SLC66A2: variants seen among roughly 807,000 people sequenced by gnomAD.
SLC66A2 encodes solute carrier family 66 member 2, also known as PQ loop repeat containing 1.
A neutral mutation model predicts 25.5 loss-of-function variants in SLC66A2; 23 were observed. The ratio of observed to expected loss-of-function variants is 0.90; its 90% confidence interval spans 0.65 to 1.28. SLC66A2 has a LOEUF of 1.28. Among genes scored for constraint, SLC66A2 ranks in the 50% most tolerant of loss-of-function variants. The pLI, the probability that SLC66A2 is intolerant of heterozygous loss-of-function variation, is 0.00. For synonymous variants in SLC66A2, 193 were observed against 166.5 expected (o/e 1.16, Z -1.23); for missense variants, 396 against 373.1 (o/e 1.06, Z -0.51).
At position 79,951,593 on chromosome 18, in the gene SLC66A2, C is replaced by G. The variant is rs1468703844; in HGVS notation, c.-112G>C. On this transcript the variant is annotated 5_prime_UTR_variant, in exon 1 of 6. Coordinates refer to ENST00000397778, the MANE Select transcript of SLC66A2 (RefSeq NM_025078.5). ...CCGCGCTCCTTACCTGCGCCCCCAG[C>G]CCCGCGCCCAGCGCCCCGCGTCCCC... The G allele has an allele frequency of 1.3e-5, 2 of 151,760 alleles. No homozygotes were observed. Among genetic ancestry groups the G allele is most frequent in the Admixed American group, 6.6e-5 (1 of 15,178 alleles). 9.4% of individuals were successfully genotyped at this position (151,760 alleles called of 1,614,324 possible). A position where few individuals can be genotyped will look rare whatever the true frequency, so the allele number is the denominator to read the frequency against.
intron 5 of SLC66A2, among the ~76,000 whole-genome samples, chr18:79,906,091 G>A (rs531291911): frequency 1.0e-3 from 154 of 152,300 alleles, no homozygotes; most frequent in African/African-American, 3.4e-3. Context: ...TGATGCCTGT[G>A]GGGTCTACAG....
At chr18:79,916,125 A>G (rs1206847350) in intron 5 of SLC66A2, among the ~76,000 whole-genome samples, 8 of 95,816 alleles carry the variant, frequency 8.3e-5, no homozygotes, top group Non-Finnish European at 1.7e-4. Context: ...GTACCCTCCC[A>G]TACCCACGGT....
chr18:79,916,642 G>A (rs892512424), intron 5 of SLC66A2, among the ~76,000 whole-genome samples: 9 of 152,234 alleles, frequency 5.9e-5, no homozygotes, highest in South Asian at 2.1e-4. Flanking sequence ...TGCGGGAGCC[G>A]GCAGGAGAGT....
rs1981336694 is a variant in SLC66A2 at position 79,902,442 on chromosome 18, T to G, written c.*1534A>C. The G allele has an allele frequency of 6.6e-6, 1 of 152,302 alleles. No homozygotes were observed. Among genetic ancestry groups the G allele is most frequent in the African/African-American group, 2.4e-5 (1 of 41,470 alleles). The allele number at this position is 152,302 out of a possible 1,614,324, so 9.4% of individuals were successfully genotyped here. ...AACTCAGGATCCACAAATGGTTTAT[T>G]GATTCCAAGTCGCCACACAGGGTAC... is the stretch of plus-strand genomic sequence containing the variant. On this transcript the variant is annotated 3_prime_UTR_variant, in exon 6 of 6. Coordinates refer to ENST00000397778, the MANE Select transcript of SLC66A2 (RefSeq NM_025078.5).
intron 4 of SLC66A2, among the ~76,000 whole-genome samples, chr18:79,929,256 C>A (rs991096731): frequency 6.6e-5 from 10 of 152,260 alleles, no homozygotes; most frequent in African/African-American, 2.2e-4. Context: ...GGAATACATC[C>A]CCCAGGGCAT....
In SLC66A2 at chr18:79,937,298, C is replaced by G. The variant is rs960819884; in HGVS notation, c.338-3276G>C. On this transcript the variant is annotated intron_variant, in intron 3 of 5. Coordinates refer to ENST00000397778, the MANE Select transcript of SLC66A2 (RefSeq NM_025078.5). This position sits in a 1 kb window ranked among gnomAD's most constrained non-coding sequence, Gnocchi z 5.4. ...GTTATACCAGGATCCTGTGTAGAAGCGAGACCCCTCATGCTGGGTCGAAAG... is the reference window on the plus strand; with the variant it reads ...GTTATACCAGGATCCTGTGTAGAAGGGAGACCCCTCATGCTGGGTCGAAAG... Among the ~76,000 whole-genome samples the G allele has an allele frequency of 2.6e-5, 4 of 152,028 alleles. No homozygotes were observed. The highest frequency in any genetic ancestry group is 9.7e-5 in the African/African-American group (4 of 41,390).
intron 2 of SLC66A2, among the ~76,000 whole-genome samples, chr18:79,946,203 G>A (rs114569955): frequency 6.6e-6 from 1 of 151,462 alleles, no homozygotes; most frequent in African/African-American, 2.4e-5. Flanking sequence ...GTGACAGGGT[G>A]CCCGGGGAGA....
chr18:79,917,329 C>T lies in SLC66A2; in HGVS notation c.608+1855G>A, dbSNP rs555503527. The stretch of plus-strand genomic sequence containing the variant: ...TACCCTGGAATCGAGAGCAACAGCT[C>T]CTGCCAAGCCTGGGGCCCCTGTGAG... On this transcript the variant is annotated intron_variant, in intron 5 of 5. Transcript: ENST00000397778. The surrounding 1 kb of genome is among the most constrained non-coding windows in gnomAD (Gnocchi z 6.0). 2.6e-3 allele frequency among the ~76,000 whole-genome samples: 392 copies of T among 152,340 alleles called. No homozygotes were observed. Among genetic ancestry groups the T allele is most frequent in the Admixed American group, 4.4e-3 (68 of 15,308 alleles).
In SLC66A2 at chr18:79,923,390, G is replaced by A. The variant is rs189630131; in HGVS notation, c.392-3990C>T. 5.2e-4 allele frequency among the ~76,000 whole-genome samples: 79 copies of A among 152,144 alleles called. 1 individual carries two copies. In the East Asian group the frequency reaches 0.012, roughly 23 times the overall value. On this transcript the variant is annotated intron_variant, in intron 4 of 5. Coordinates refer to ENST00000397778, the MANE Select transcript of SLC66A2 (RefSeq NM_025078.5). ...GGTGGTGGATGGGCAGGCTGTGCAC[G>A]GTGGGCTGCGGACACAGGACGCCAG...
At chr18:79,939,954 T>A (rs929000805) in intron 3 of SLC66A2, among the ~76,000 whole-genome samples, 8 of 152,302 alleles carry the variant, frequency 5.3e-5, no homozygotes, top group African/African-American at 1.9e-4. Context: ...AGCAAAGACT[T>A]GGAATTAACC....
At chr18:79,922,475 A>T (rs1985364460) in intron 4 of SLC66A2, among the ~76,000 whole-genome samples, 1 of 152,058 alleles carries the variant, frequency 6.6e-6, no homozygotes, top group Non-Finnish European at 1.5e-5. Flanking sequence ...CATTCTGGGG[A>T]TTCAACGAGT....
intron 3 of SLC66A2, among the ~76,000 whole-genome samples, chr18:79,936,846 A>G (rs1346144490): frequency 6.6e-6 from 1 of 152,158 alleles, no homozygotes; most frequent in African/African-American, 2.4e-5. Context: ...TGCAATCCTG[A>G]GCATATAAAC....
chr18:79,914,558 A>C (rs1983706624), intron 5 of SLC66A2, among the ~76,000 whole-genome samples: 1 of 129,694 alleles, frequency 7.7e-6, no homozygotes, highest in African/African-American at 2.5e-5. Context: ...GAAGTGGCAA[A>C]GGGGAGAGAC....
Position 79,918,986 on chromosome 18 carries a change from C to T in SLC66A2, c.608+198G>A, listed in dbSNP as rs894643594. Reference sequence around the variant, plus strand: ...TGCTGGGTCTCGGCTGCCCCTCATGCGGCCCACACAAGCTCATCTGCTCCA... The same window carrying T: ...TGCTGGGTCTCGGCTGCCCCTCATGTGGCCCACACAAGCTCATCTGCTCCA... On this transcript the variant is annotated intron_variant, in intron 5 of 5. Transcript: ENST00000397778. The surrounding 1 kb of genome is among the most constrained non-coding windows in gnomAD (Gnocchi z 4.0). 6.6e-6 allele frequency among the ~76,000 whole-genome samples: 1 copy of T among 152,284 alleles called. No homozygotes were observed. The highest frequency in any genetic ancestry group is 2.4e-5 in the African/African-American group (1 of 41,478).
intron 4 of SLC66A2, among the ~76,000 whole-genome samples, chr18:79,922,874 T>G (rs1372919802): frequency 8.4e-6 from 1 of 119,120 alleles, no homozygotes; most frequent in Non-Finnish European, 1.7e-5. Flanking sequence ...CTTGGGGGCA[T>G]CAGAGGGCAG....
chr18:79,912,080 G>T (rs918024855), intron 5 of SLC66A2, among the ~76,000 whole-genome samples: 3 of 139,888 alleles, frequency 2.1e-5, no homozygotes, highest in Non-Finnish European at 4.7e-5. Flanking sequence ...CAGCAGGGAG[G>T]GGACAAGAGC....
rs538402631 is a variant in SLC66A2, at chr18:79,911,988, G to A, written c.608+7196C>T. Among the ~76,000 whole-genome samples the A allele has an allele frequency of 1.4e-4, 20 of 141,488 alleles. No homozygotes were observed. In the East Asian group the frequency reaches 4.4e-3, roughly 31 times the overall value. 92.8% of individuals were successfully genotyped at this position (141,488 alleles called of 152,430 possible). A position where few individuals can be genotyped will look rare whatever the true frequency, so the allele number is the denominator to read the frequency against. On this transcript the variant is annotated intron_variant, in intron 5 of 5. Transcript: ENST00000397778. ...GGGGACAGGAGCAGTGAGGAGACGGGAGCAGAGGGGAGGCAGCAGGGAGAG... is the reference window on the plus strand; with the variant it reads ...GGGGACAGGAGCAGTGAGGAGACGGAAGCAGAGGGGAGGCAGCAGGGAGAG...
At chr18:79,943,107 C>T (rs1168783799) in intron 3 of SLC66A2, among the ~76,000 whole-genome samples, 1 of 152,194 alleles carries the variant, frequency 6.6e-6, no homozygotes, top group South Asian at 2.1e-4. Context: ...GAGGCCTCAC[C>T]CAACTTCCAG....
rs1042525841 is a variant in SLC66A2, at chr18:79,917,953, C to A, written c.608+1231G>T. On this transcript the variant is annotated intron_variant, in intron 5 of 5. Coordinates refer to ENST00000397778, the MANE Select transcript of SLC66A2 (RefSeq NM_025078.5). This position sits in a 1 kb window ranked among gnomAD's most constrained non-coding sequence, Gnocchi z 6.0. ...TCCATACCCCACACCCCAGCCCACA[C>A]CTACACTTCACATCTGTGCCTATGT... 1.3e-5 allele frequency among the ~76,000 whole-genome samples: 2 copies of A among 151,914 alleles called. No homozygotes were observed. The highest frequency in any genetic ancestry group is 4.8e-5 in the African/African-American group (2 of 41,320).
Sources: allele counts gnomAD v4.1 joint callset (sites outside exome capture counted in the v4.1 genomes callset), GRCh38; gene constraint gnomAD v4.1.1; non-coding constraint Gnocchi (gnomAD v3.1); transcripts MANE v1.5; gene names NCBI Gene and HGNC (gene_info 2026-07-23, HGNC 2026-07-21).